NTAQ1: variants seen among roughly 807,000 people sequenced by gnomAD.
NTAQ1 encodes the protein N-terminal glutamine amidase 1.
A neutral mutation model predicts 28.2 loss-of-function variants in NTAQ1; 21 were observed. That is an observed-to-expected ratio of 0.74 (90% CI 0.53 to 1.07). The LOEUF (loss-of-function observed/expected upper bound fraction) is 1.07. Among genes scored for constraint, NTAQ1 ranks in the 50% least tolerant of loss-of-function variants. NTAQ1 has a pLI of 0.00. For missense variants in NTAQ1, 264 were observed against 256.6 expected (o/e 1.03, Z -0.20); for synonymous variants, 105 against 90.0 (o/e 1.17, Z -0.94).
chr8:123,426,916 C>T (rs1470497412), intron 1 of NTAQ1, among the ~76,000 whole-genome samples: 2 of 152,144 alleles, frequency 1.3e-5, no homozygotes, highest in East Asian at 3.8e-4. Context: ...GCCGAGATCA[C>T]ACCACTGCAC....
At chr8:123,449,963 A>G (rs1815437732), downstream of NTAQ1, among the ~76,000 whole-genome samples, 2 of 56,052 alleles carry the variant, frequency 3.6e-5, 1 homozygote, top group African/African-American at 1.3e-4. Flanking sequence ...ATATATATAT[A>G]TATATATATA....
downstream of NTAQ1, among the ~76,000 whole-genome samples, chr8:123,448,432 G>A (rs1216140078): frequency 1.3e-5 from 2 of 152,188 alleles, no homozygotes; most frequent in Non-Finnish European, 2.9e-5. Flanking sequence ...GGCCAACAGG[G>A]TGAAACCCCA....
At chr8:123,470,506 TAA>T (rs1372038475), downstream of NTAQ1, among the ~76,000 whole-genome samples, 5 of 152,216 alleles carry the variant, frequency 3.3e-5, no homozygotes, top group African/African-American at 1.2e-4. Context: ...GTGGAGTGTG[TAA>T]GTGGAGAATA....
At chr8:123,427,072 T>C (rs1173453354) in intron 1 of NTAQ1, among the ~76,000 whole-genome samples, 1 of 152,124 alleles carries the variant, frequency 6.6e-6, no homozygotes, top group African/African-American at 2.4e-5. Context: ...ATCACATAAT[T>C]GCTCCTGATT....
downstream of NTAQ1, among the ~76,000 whole-genome samples, chr8:123,449,042 A>G (rs1394863644): frequency 6.6e-6 from 1 of 151,970 alleles, no homozygotes; most frequent in Non-Finnish European, 1.5e-5. Flanking sequence ...GTACTCTCTT[A>G]CTCTCTTGAA....
exon 7 of NTAQ1, among the ~76,000 whole-genome samples, chr8:123,468,320 G>A (rs1816004414): frequency 6.6e-6 from 1 of 152,162 alleles, no homozygotes; most frequent in South Asian, 2.1e-4. Context: ...ATCTCCAGAA[G>A]TTTTCATCTT....
At chr8:123,464,530 T>C (rs560593246) in intron 6 of NTAQ1, among the ~76,000 whole-genome samples, 1 of 152,158 alleles carries the variant, frequency 6.6e-6, no homozygotes, top group African/African-American at 2.4e-5. Context: ...GTGCCTCCAC[T>C]CTCCCTCCCC....
the NTAQ1 span, among the ~76,000 whole-genome samples, chr8:123,475,373 G>C: frequency 3.3e-5 from 5 of 152,068 alleles, no homozygotes; most frequent in African/African-American, 1.2e-4. Flanking sequence ...AATGGACTTA[G>C]GAACCAAGAT....
chr8:123,475,072 C>T, the NTAQ1 span, among the ~76,000 whole-genome samples: 2 of 151,940 alleles, frequency 1.3e-5, no homozygotes, highest in African/African-American at 2.4e-5. Flanking sequence ...GAGAGTTATT[C>T]TCCTCCCTCA....
downstream of NTAQ1, among the ~76,000 whole-genome samples, chr8:123,442,414 G>A (rs534134539): frequency 9.8e-4 from 148 of 151,788 alleles, 2 homozygotes; most frequent in Admixed American, 5.1e-3. Context: ...CTTGGCCAAC[G>A]TGGTGAAACC....
intron 3 of NTAQ1, among the ~76,000 whole-genome samples, chr8:123,431,090 A>G (rs200229418): frequency 6.6e-6 from 1 of 151,950 alleles, no homozygotes; most frequent in African/African-American, 2.4e-5. Context: ...ATAATCCCAG[A>G]ACTTTGGGAG....
rs1344678512 is a variant in NTAQ1 at position 123,439,254 on chromosome 8, C to T, written c.508+1920C>T. Among the ~76,000 whole-genome samples the T allele has an allele frequency of 3.3e-5, 5 of 152,050 alleles. No individual in the cohort carries two copies. The East Asian group carries it at 9.7e-4, about 29-fold the overall frequency. ...AGTGCAGTGGCACGATCCCAGCTCA[C>T]TGCAACCTCCATCTCCTGAGTTCAA... On this transcript the variant is annotated intron_variant, in intron 5 of 5. Coordinates refer to ENST00000287387, the MANE Select transcript of NTAQ1 (RefSeq NM_018024.3).
At chr8:123,433,162 A>C (rs917790232) in intron 3 of NTAQ1, among the ~76,000 whole-genome samples, 1 of 152,198 alleles carries the variant, frequency 6.6e-6, no homozygotes, top group African/African-American at 2.4e-5. Context: ...GCCGCTGCTC[A>C]AGCCTGCATT....
intron 3 of NTAQ1, among the ~76,000 whole-genome samples, chr8:123,430,268 A>G (rs1814317773): frequency 6.6e-6 from 1 of 152,220 alleles, no homozygotes; most frequent in Non-Finnish European, 1.5e-5. Flanking sequence ...AATGGTGGAT[A>G]TATTTGTGAT....
At chr8:123,422,531 T>C (rs1813765082) in intron 1 of NTAQ1, among the ~76,000 whole-genome samples, 1 of 151,678 alleles carries the variant, frequency 6.6e-6, no homozygotes, top group Admixed American at 6.6e-5. Context: ...CCTGCCTGGG[T>C]TTCCCAAAGT....
At position 123,427,044 on chromosome 8, in the gene NTAQ1, A is replaced by T. The variant is rs79233450; in HGVS notation, c.84-880A>T. 3.3e-3 allele frequency among the ~76,000 whole-genome samples: 508 copies of T among 152,230 alleles called. 7 individuals carry two copies. The highest frequency in any genetic ancestry group is 0.012 in the African/African-American group (487 of 41,554). The stretch of plus-strand genomic sequence containing the variant: ...GAATCCCACTCACAGGGATTCCCCC[A>T]AATGAGTTCCCGGACATATCACATA... On this transcript the variant is annotated intron_variant, in intron 1 of 5. Transcript: ENST00000287387.
At position 123,416,923 on chromosome 8, in the gene NTAQ1, G is replaced by A; in HGVS notation, c.74G>A (p.Ser25Asn). The A allele has an allele frequency of 2.0e-6, 3 of 1,507,916 alleles. No individual in the cohort carries two copies. The highest frequency in any genetic ancestry group is 2.7e-6 in the Non-Finnish European group (3 of 1,128,224). 93.4% of individuals were successfully genotyped at this position (1,507,916 alleles called of 1,614,324 possible). Residue 25 changes from serine to asparagine, a missense_variant, in exon 1 of 6, where the codon AGC (serine) becomes AAC (asparagine). Coordinates refer to ENST00000287387, the MANE Select transcript of NTAQ1 (RefSeq NM_018024.3). Reference sequence around the variant, plus strand: ...CCGCGGGACGCCTGCGTCTACAGCAGCTGCTACTGGTGAGGGGGCGCGGGC... The same window carrying A: ...CCGCGGGACGCCTGCGTCTACAGCAACTGCTACTGGTGAGGGGGCGCGGGC... ...SPPRDACVYSSCYCEENIWKL... is the reference protein window; with the variant it reads ...SPPRDACVYSNCYCEENIWKL...
intron 1 of NTAQ1, among the ~76,000 whole-genome samples, chr8:123,420,288 A>G (rs1444386671): frequency 1.3e-5 from 2 of 152,156 alleles, no homozygotes; most frequent in Admixed American, 6.6e-5. Flanking sequence ...GGTGGATGAT[A>G]TATACCACAT....
intron 6 of NTAQ1, among the ~76,000 whole-genome samples, chr8:123,456,389 G>A (rs544194834): frequency 2.0e-5 from 3 of 152,060 alleles, no homozygotes; most frequent in Non-Finnish European, 4.4e-5. Flanking sequence ...TTTTTGTTTC[G>A]AAACTTGGAA....
Sources: allele counts gnomAD v4.1 joint callset (sites outside exome capture counted in the v4.1 genomes callset), GRCh38; gene constraint gnomAD v4.1.1; transcripts MANE v1.5; gene names NCBI Gene and HGNC (gene_info 2026-07-23, HGNC 2026-07-21).